ARID1B: variants seen among roughly 807,000 people sequenced by gnomAD.
ARID1B encodes AT-rich interactive domain-containing protein 1B.
ARID1B carries 30 observed loss-of-function variants against 212.3 expected under a neutral mutation model. The ratio of observed to expected loss-of-function variants is 0.14; its 90% CI spans 0.11 to 0.19. The LOEUF is 0.19. ARID1B is among the 10% of genes least tolerant of loss of function. The pLI, the probability that ARID1B is intolerant of heterozygous loss-of-function variation, is 1.00. For synonymous variants in ARID1B, 1,402 were observed against 1,301.7 expected, an observed-to-expected ratio of 1.08 and a Z score of -1.66; for missense variants, 2,891 against 3,204.0, an observed-to-expected ratio of 0.90 and a Z score of 2.36.
chr6:156,776,431 G>T (rs188525852), upstream of ARID1B: 106 of 151,972 alleles, frequency 7.0e-4, 1 homozygote, highest in Non-Finnish European at 1.0e-4. Context: ...TTTTAGTTTC[G>T]TTCCACATCT....
intron 2 of ARID1B, among the ~76,000 whole-genome samples, chr6:156,901,123 A>G (rs1788894586): frequency 6.6e-6 from 1 of 152,044 alleles, no homozygotes; most frequent in Admixed American, 6.5e-5. Context: ...CTCCACCTTT[A>G]TGATATTATC....
chr6:156,873,706 C>T (rs1393975988), intron 2 of ARID1B, among the ~76,000 whole-genome samples: 2 of 152,212 alleles, frequency 1.3e-5, no homozygotes, highest in African/African-American at 4.8e-5. Flanking sequence ...TGCAGATTCT[C>T]CTTCACTTAC....
chr6:156,995,130 G>A (rs900712146), intron 4 of ARID1B, among the ~76,000 whole-genome samples: 2 of 152,198 alleles, frequency 1.3e-5, no homozygotes, highest in African/African-American at 4.8e-5. Context: ...AGAGGAAGTG[G>A]GGCTGTGCCC....
intron 2 of ARID1B, among the ~76,000 whole-genome samples, chr6:156,863,811 G>A (rs1277257180): frequency 6.6e-6 from 1 of 152,174 alleles, no homozygotes; most frequent in African/African-American, 2.4e-5. Flanking sequence ...TTCCCTGTAT[G>A]ATGCTGCACA....
At chr6:156,784,042 A>G (rs1195615128) in intron 1 of ARID1B, among the ~76,000 whole-genome samples, 1 of 151,372 alleles carries the variant, frequency 6.6e-6, no homozygotes, top group African/African-American at 2.4e-5. Flanking sequence ...TTTTTTTGCA[A>G]TATTTAGGTT....
At chr6:156,932,590 A>G (rs921399552) in intron 3 of ARID1B, among the ~76,000 whole-genome samples, 1 of 152,180 alleles carries the variant, frequency 6.6e-6, no homozygotes, top group African/African-American at 2.4e-5. Flanking sequence ...ATTTTCTGAT[A>G]CTGTCATTGC....
At position 157,105,210 on chromosome 6, in the gene ARID1B, G is replaced by A. The variant is rs574477505; in HGVS notation, c.2492-5262G>A. On this transcript the variant is annotated intron_variant, in intron 5 of 19. Coordinates refer to ENST00000636930, the MANE Select transcript of ARID1B (RefSeq NM_001374828.1). The stretch of plus-strand genomic sequence containing the variant: ...AGGGAGATGGAAAAAAAACATGTAT[G>A]TACTCGAAGAAAACTAGGGTGAATT... 3.4e-4 allele frequency among the ~76,000 whole-genome samples: 52 copies of A among 152,258 alleles called. No homozygotes were observed. The South Asian group carries it at 6.4e-3, about 19-fold the overall frequency.
intron 2 of ARID1B, among the ~76,000 whole-genome samples, chr6:156,851,674 T>C (rs1392888006): frequency 6.6e-6 from 1 of 152,246 alleles, no homozygotes; most frequent in Admixed American, 6.5e-5. Context: ...AAAATTACTA[T>C]TTCTGCATTC....
chr6:156,824,500 C>A (rs1367613142), intron 1 of ARID1B, among the ~76,000 whole-genome samples: 2 of 152,222 alleles, frequency 1.3e-5, no homozygotes, highest in Non-Finnish European at 2.9e-5. Flanking sequence ...CGCAGCGGCT[C>A]ACGCCTGTAA....
rs528537757 is a variant in ARID1B, at chr6:157,115,895, G to A, written c.2581+5334G>A. ...TAAACCTCTCTGTAGACCTCATATGGCAATATACAGAAATGTTACTAAATC... is the reference window on the plus strand; with the variant it reads ...TAAACCTCTCTGTAGACCTCATATGACAATATACAGAAATGTTACTAAATC... On this transcript the variant is annotated intron_variant, in intron 6 of 19. Transcript: ENST00000636930. 7.0e-4 allele frequency among the ~76,000 whole-genome samples: 107 copies of A among 152,144 alleles called. 1 individual carries two copies. The highest frequency in any genetic ancestry group is 2.4e-3 in the African/African-American group (100 of 41,484).
At chr6:156,779,667 C>T (rs547211045) in intron 1 of ARID1B, 196 bp downstream of exon 1, 3 of 351,932 alleles carry the variant, frequency 8.5e-6, no homozygotes, top group African/African-American at 6.7e-5. Flanking sequence ...CTGTCCAGGC[C>T]TGGGAGGGCT....
intron 7 of ARID1B, 108 bp downstream of exon 7, chr6:157,133,315 T>C: frequency 7.9e-7 from 1 of 1,261,182 alleles, no homozygotes; most frequent in South Asian, 1.7e-5. Context: ...AGATCCATTA[T>C]CTGTTACCTG....
intron 4 of ARID1B, among the ~76,000 whole-genome samples, chr6:156,965,105 G>A (rs189119322): frequency 1.1e-4 from 16 of 152,304 alleles, no homozygotes; most frequent in Admixed American, 6.5e-5. Context: ...TTGTTTATCA[G>A]TAGTTTGAAA....
chr6:157,021,624 C>G (rs1031382736), intron 4 of ARID1B, among the ~76,000 whole-genome samples: 2 of 152,150 alleles, frequency 1.3e-5, no homozygotes, highest in Non-Finnish European at 2.9e-5. Context: ...GGCGCCGCGC[C>G]GCGCACAGAT....
At chr6:156,902,658 A>G (rs1301984226) in intron 3 of ARID1B, among the ~76,000 whole-genome samples, 1 of 146,300 alleles carries the variant, frequency 6.8e-6, no homozygotes, top group Non-Finnish European at 1.5e-5. Flanking sequence ...AAAAGCTTGA[A>G]CCCGGGAGGC....
chr6:156,945,233 C>CTGT (rs1793016920), intron 4 of ARID1B, among the ~76,000 whole-genome samples: 1 of 32,646 alleles, frequency 3.1e-5, no homozygotes, highest in Non-Finnish European at 5.8e-5. Context: ...CCGCATCCGG[C>CTGT]TTTTTTTTTT....
chr6:156,996,365 T>C (rs1778592149), intron 4 of ARID1B, among the ~76,000 whole-genome samples: 1 of 152,164 alleles, frequency 6.6e-6, no homozygotes, highest in African/African-American at 2.4e-5. Flanking sequence ...CCCCAGTCCC[T>C]CTGAAAGGGA....
intron 2 of ARID1B, among the ~76,000 whole-genome samples, chr6:156,833,014 A>T (rs570648668): frequency 6.6e-6 from 1 of 152,152 alleles, no homozygotes; most frequent in Non-Finnish European, 1.5e-5. Flanking sequence ...GTGCCCTAAA[A>T]ACTAGTCTAC....
At chr6:157,038,475 A>C (rs1328303707) in intron 4 of ARID1B, among the ~76,000 whole-genome samples, 2 of 152,226 alleles carry the variant, frequency 1.3e-5, no homozygotes, top group African/African-American at 4.8e-5. Context: ...TTCTGAGGTT[A>C]CAAATGTAGC....
Sources: allele counts gnomAD v4.1 joint callset (sites outside exome capture counted in the v4.1 genomes callset), GRCh38; gene constraint gnomAD v4.1.1; transcripts MANE v1.5; gene names NCBI Gene and HGNC (gene_info 2026-07-23, HGNC 2026-07-21).